EPHB2: variants seen among roughly 807,000 people sequenced by gnomAD.
EPHB2 encodes the protein EPH receptor B2, also known as ephrin type-B receptor 2.
A neutral mutation model predicts 96.4 loss-of-function variants in EPHB2; 18 were observed. The ratio of observed to expected loss-of-function variants is 0.19; its 90% CI spans 0.13 to 0.28. The LOEUF (loss-of-function observed/expected upper bound fraction) is 0.28, where lower values mean the gene tolerates loss of function less well. EPHB2 is among the 10% of genes least tolerant of loss of function. The probability of loss-of-function intolerance (pLI) is 1.00; values close to 1 mark genes in which losing one functional copy is unlikely to be tolerated. For missense variants in EPHB2, 989 were observed against 1,355.4 expected, an observed-to-expected ratio of 0.73 and a Z score of 4.25; for synonymous variants, 506 against 534.1, an observed-to-expected ratio of 0.95 and a Z score of 0.72.
intron 1 of EPHB2, among the ~76,000 whole-genome samples, chr1:22,778,006 G>T (rs560065418): frequency 1.8e-5 from 2 of 109,400 alleles, no homozygotes; most frequent in East Asian, 1.9e-3. Context: ...ATAAAGGTCC[G>T]TTTGTTTGTT....
At chr1:22,828,204 C>G (rs564373133) in intron 3 of EPHB2, among the ~76,000 whole-genome samples, 26 of 152,282 alleles carry the variant, frequency 1.7e-4, no homozygotes, top group African/African-American at 6.3e-4. Context: ...GTGTCAGTGA[C>G]TAGAGCAGGG....
At chr1:22,877,539 G>A (rs1638881856) in intron 5 of EPHB2, among the ~76,000 whole-genome samples, 1 of 152,054 alleles carries the variant, frequency 6.6e-6, no homozygotes, top group Non-Finnish European at 1.5e-5. Flanking sequence ...CACCTTCCTC[G>A]GCAGCCTTGT....
At chr1:22,806,891 C>T (rs139665006) in intron 3 of EPHB2, among the ~76,000 whole-genome samples, 148 of 151,720 alleles carry the variant, frequency 9.8e-4, no homozygotes, top group African/African-American at 3.0e-3. Context: ...GGCCCCCCCT[C>T]GTCACCACCC....
intron 3 of EPHB2, among the ~76,000 whole-genome samples, chr1:22,838,095 A>G (rs992532907): frequency 6.6e-6 from 1 of 152,200 alleles, no homozygotes; most frequent in Non-Finnish European, 1.5e-5. Flanking sequence ...AGGGGCAGAT[A>G]AACAGAGCCC....
intron 3 of EPHB2, among the ~76,000 whole-genome samples, chr1:22,794,473 G>T (rs1473972142): frequency 2.0e-5 from 3 of 152,188 alleles, no homozygotes; most frequent in Non-Finnish European, 2.9e-5. Context: ...ACCCGGATGG[G>T]CCGTTCCTGC....
intron 6 of EPHB2, among the ~76,000 whole-genome samples, chr1:22,891,534 A>G (rs1335873548): frequency 6.6e-6 from 1 of 152,198 alleles, no homozygotes; most frequent in Non-Finnish European, 1.5e-5. Context: ...CAAAGAGGAT[A>G]TTTGGGGAAG....
At chr1:22,760,752 A>T (rs1275399055) in intron 1 of EPHB2, among the ~76,000 whole-genome samples, 1 of 152,120 alleles carries the variant, frequency 6.6e-6, no homozygotes, top group Non-Finnish European at 1.5e-5. Flanking sequence ...CCTCTGCTCC[A>T]GGGGCCTCCC....
intron 5 of EPHB2, among the ~76,000 whole-genome samples, chr1:22,869,224 C>T (rs2148533159): frequency 6.6e-6 from 1 of 152,166 alleles, no homozygotes; most frequent in East Asian, 1.9e-4. Context: ...AACTGAAGCC[C>T]AGAGAGGTAG....
intron 3 of EPHB2, among the ~76,000 whole-genome samples, chr1:22,801,701 A>G (rs2148448045): frequency 6.6e-6 from 1 of 152,320 alleles, no homozygotes; most frequent in African/African-American, 2.4e-5. Context: ...ATAGGCCCTC[A>G]GCCTCTGTCA....
At chr1:22,781,596 A>G (rs2817904) in intron 2 of EPHB2, 111 bp downstream of exon 2, 815,288 of 1,060,268 alleles carry the variant, frequency 0.77, 325,029 homozygotes, top group Non-Finnish European at 0.83. Flanking sequence ...TTCAGGACCC[A>G]GAGCCAGGCC....
intron 5 of EPHB2, among the ~76,000 whole-genome samples, chr1:22,865,478 A>C (rs1638441208): frequency 6.6e-6 from 1 of 152,244 alleles, no homozygotes; most frequent in Non-Finnish European, 1.5e-5. Flanking sequence ...AGGTGACTTA[A>C]AGGAGTGGAA....
At chr1:22,871,454 C>A (rs1426773195) in intron 5 of EPHB2, among the ~76,000 whole-genome samples, 3 of 152,222 alleles carry the variant, frequency 2.0e-5, no homozygotes, top group Non-Finnish European at 4.4e-5. Flanking sequence ...CCCCATCCCA[C>A]ATGGCCCCTT....
chr1:22,803,631 GTGTATATATATGTGTATATA>G (rs1557683677), intron 3 of EPHB2, among the ~76,000 whole-genome samples: 2 of 4,590 alleles, frequency 4.4e-4, no homozygotes, highest in African/African-American at 2.8e-3. Flanking sequence ...ATATATATAT[GTGTATATATATGTGTATATA>G]TATATATGTG....
intron 3 of EPHB2, among the ~76,000 whole-genome samples, chr1:22,815,273 TG>T (rs1192641642): frequency 1.3e-5 from 2 of 151,010 alleles, no homozygotes; most frequent in African/African-American, 4.9e-5. Flanking sequence ...GGGGTGGTTG[TG>T]GGGGGTACAG....
chr1:22,839,896 C>T (rs1204357737), intron 3 of EPHB2, among the ~76,000 whole-genome samples: 2 of 152,214 alleles, frequency 1.3e-5, no homozygotes, highest in African/African-American at 4.8e-5. Context: ...GTACCCTACA[C>T]TCCTTCACTT....
chr1:22,862,355 C>A (rs1252701000), intron 3 of EPHB2, among the ~76,000 whole-genome samples: 1 of 152,206 alleles, frequency 6.6e-6, no homozygotes, highest in African/African-American at 2.4e-5. Flanking sequence ...ATTCATTGGG[C>A]ACCTATACTG....
chr1:22,729,806 G>C (rs1435592390), intron 1 of EPHB2, among the ~76,000 whole-genome samples: 1 of 152,218 alleles, frequency 6.6e-6, no homozygotes, highest in African/African-American at 2.4e-5. Flanking sequence ...AACTTTACAA[G>C]GGCAGGGACC....
chr1:22,781,038 T>A (rs1054832938), intron 1 of EPHB2, among the ~76,000 whole-genome samples: 3 of 150,858 alleles, frequency 2.0e-5, no homozygotes, highest in African/African-American at 7.3e-5. Context: ...CGTGAGGGTC[T>A]GGCCGGGCAC....
intron 1 of EPHB2, among the ~76,000 whole-genome samples, chr1:22,759,989 G>A (rs543190485): frequency 6.6e-6 from 1 of 152,114 alleles, no homozygotes; most frequent in Non-Finnish European, 1.5e-5. Context: ...GTCAACCTGA[G>A]GCTTGTGCAC....
Sources: allele counts gnomAD v4.1 joint callset (sites outside exome capture counted in the v4.1 genomes callset), GRCh38; gene constraint gnomAD v4.1.1; transcripts MANE v1.5; gene names NCBI Gene and HGNC (gene_info 2026-07-23, HGNC 2026-07-21).